ARMH1: variants seen among roughly 807,000 people sequenced by gnomAD.
ARMH1 encodes armadillo like helical domain containing 1.
A neutral mutation model predicts 50.2 loss-of-function variants in ARMH1; 34 were observed. The observed-to-expected ratio is 0.68, with a 90% CI of 0.51 to 0.90. The LOEUF (loss-of-function observed/expected upper bound fraction) is 0.90, where lower values mean the gene tolerates loss of function less well. Ranked by LOEUF, ARMH1 falls within the 40% of genes least tolerant of loss-of-function variation. The pLI, the probability that ARMH1 is intolerant of heterozygous loss-of-function variation, is 0.00. For synonymous variants in ARMH1, 221 were observed against 224.2 expected, an observed-to-expected ratio of 0.99 and a Z score of 0.13; for missense variants, 538 against 553.9, an observed-to-expected ratio of 0.97 and a Z score of 0.29.
Position 44,698,169 on chromosome 1 carries a change from C to T in ARMH1, c.382C>T (p.Leu128=). The change falls in exon 4 of 12, where the codon CTA becomes TTA. Residue 128 remains leucine (L), a synonymous_variant. Transcript: ENST00000535358. ...KEEAKKESVK[L]LQVIANSGRT... ...GGAGGCCAAGAAGGAATCTGTCAAACTACTTCAGGTTATTGCGAACTCTGG... is the reference window on the plus strand; with the variant it reads ...GGAGGCCAAGAAGGAATCTGTCAAATTACTTCAGGTTATTGCGAACTCTGG... 1 of 1,552,352 alleles carries T rather than the reference C, an allele frequency of 6.4e-7. No individual in the cohort carries two copies. The highest frequency in any genetic ancestry group is 2.4e-5 in the East Asian group (1 of 40,930).
rs1435385937 is a variant in ARMH1, at chr1:44,683,922, G to GTCT, written c.-22-5753_-22-5752insCTT. Among the ~76,000 whole-genome samples the GTCT allele has an allele frequency of 6.6e-6, 1 of 152,160 alleles. No individual in the cohort carries two copies. Among genetic ancestry groups the GTCT allele is most frequent in the Non-Finnish European group, 1.5e-5 (1 of 68,034 alleles). Reference sequence around the variant, plus strand: ...AATTCCAGCACTTTGGGAGGCCAAGGTGGGAAGATAGCTTGAGGCCAGGAG... The same window carrying GTCT: ...AATTCCAGCACTTTGGGAGGCCAAGGTCTTGGGAAGATAGCTTGAGGCCAGGAG... On this transcript the variant is annotated intron_variant, in intron 1 of 11. Transcript: ENST00000535358. This position sits in a 1 kb window ranked among gnomAD's most constrained non-coding sequence, Gnocchi z 4.2.
At chr1:44,697,225 A>T in intron 3 of ARMH1, 55 bp downstream of exon 3, 1 of 1,404,226 alleles carries the variant, frequency 7.1e-7, no homozygotes, top group South Asian at 1.2e-5. Flanking sequence ...CAGGCTCATG[A>T]TGTCTTTGGC....
chr1:44,707,074 A>G (rs922540070), intron 6 of ARMH1, among the ~76,000 whole-genome samples: 2 of 151,374 alleles, frequency 1.3e-5, no homozygotes, highest in African/African-American at 4.9e-5. Context: ...CTTCCTTTGA[A>G]CCACCCCTGC....
Position 44,704,089 on chromosome 1 carries a change from C to T in ARMH1, c.640C>T (p.Pro214Ser). ...LSLQTLRTAQ[P>S]IIGTTHPSIV... ...CTTGTCCTGTTGTCTGTCTGGTCAG[C>T]CAATCATTGGGACCACACACCCCAG... The change falls in exon 6 of 12, where the codon CCA (proline) becomes TCA (serine). Residue 214 changes from proline (P) to serine (S), a missense_variant and splice_region_variant. By Grantham distance (74) the Pro-to-Ser change is moderately conservative. Transcript: ENST00000535358. 1.9e-6 allele frequency: 3 copies of T among 1,550,052 alleles called. No homozygotes were observed. The highest frequency in any genetic ancestry group is 2.6e-6 in the Non-Finnish European group (3 of 1,145,976).
At position 44,725,504 on chromosome 1, in the gene ARMH1, C is replaced by T; in HGVS notation, c.*101C>T. On this transcript the variant is annotated 3_prime_UTR_variant, in exon 12 of 12. Coordinates refer to ENST00000535358, the MANE Select transcript of ARMH1 (RefSeq NM_001145636.2). ...AGCTCAGAGCCACTCCACTTGGCTC[C>T]AGGGGGGAGACGGGGATTAGGCATC... is the stretch of plus-strand genomic sequence containing the variant. The T allele has an allele frequency of 8.3e-7, 1 of 1,204,540 alleles. No individual in the cohort carries two copies. Among genetic ancestry groups the T allele is most frequent in the Admixed American group, 2.1e-5 (1 of 46,812 alleles). The allele number at this position is 1,204,540 out of a possible 1,614,324, so 74.6% of individuals were successfully genotyped here. A position where few individuals can be genotyped will look rare whatever the true frequency, so the allele number is the denominator to read the frequency against.
chr1:44,713,158 G>A (rs537199103), intron 6 of ARMH1, among the ~76,000 whole-genome samples: 1 of 148,386 alleles, frequency 6.7e-6, no homozygotes, highest in South Asian at 2.2e-4. Flanking sequence ...AAGTGCAGTG[G>A]CATGATCTTG....
In ARMH1 at chr1:44,682,858, C is replaced by CCTCTGTGTGCA. The variant is rs1557514102; in HGVS notation, c.-22-6818_-22-6817insCTCTGTGTGCA. 9.9e-5 allele frequency among the ~76,000 whole-genome samples: 15 copies of CCTCTGTGTGCA among 152,130 alleles called. No individual in the cohort carries two copies. Among genetic ancestry groups the CCTCTGTGTGCA allele is most frequent in the Non-Finnish European group, 1.9e-4 (13 of 68,030 alleles). On this transcript the variant is annotated intron_variant, in intron 1 of 11. Transcript: ENST00000535358. This position sits in a 1 kb window ranked among gnomAD's most constrained non-coding sequence, Gnocchi z 4.5. ...AGGAGGCTGAGGTGGGAGGATCACT[C>CCTCTGTGTGCA]GAGCCCAGGCGATTGAGGCTGCGGT...
intron 2 of ARMH1, among the ~76,000 whole-genome samples, chr1:44,696,611 T>C (rs1645836348): frequency 6.6e-6 from 1 of 152,226 alleles, no homozygotes; most frequent in Admixed American, 6.5e-5. Flanking sequence ...ATTATTCTTA[T>C]TAGGAAGCCA....
intron 2 of ARMH1, 140 bp downstream of exon 2, chr1:44,690,043 C>A (rs562834827): frequency 1.4e-6 from 1 of 715,748 alleles, no homozygotes; most frequent in Non-Finnish European, 2.3e-6. Context: ...CATGGTGAAA[C>A]CCTGTCTCTA....
chr1:44,719,784 G>C (rs1054922294), intron 6 of ARMH1, among the ~76,000 whole-genome samples: 3 of 152,058 alleles, frequency 2.0e-5, no homozygotes, highest in African/African-American at 7.2e-5. Context: ...CTGTGAGAAG[G>C]ACCACACTCT....
chr1:44,717,706 A>G (rs532162250), intron 6 of ARMH1, among the ~76,000 whole-genome samples: 1 of 152,394 alleles, frequency 6.6e-6, no homozygotes, highest in African/African-American at 2.4e-5. Flanking sequence ...ATTTTGTTAA[A>G]TAAATGAATG....
At position 44,724,092 on chromosome 1, in the gene ARMH1, C is replaced by T. The variant is rs755618550; in HGVS notation, c.725-30C>T. On this transcript the variant is annotated intron_variant, in intron 6 of 11. Coordinates refer to ENST00000535358, the MANE Select transcript of ARMH1 (RefSeq NM_001145636.2). This position sits in a 1 kb window ranked among gnomAD's most constrained non-coding sequence, Gnocchi z 6.4. ...TCCTCGGTGGCGGAGGGGCCTGGGG[C>T]CTCTCTCCAGCACCTCTGCCCTTCC... The T allele has an allele frequency of 1.3e-6, 2 of 1,544,750 alleles. No homozygotes were observed. The highest frequency in any genetic ancestry group is 2.5e-5 in the East Asian group (1 of 40,816).
chr1:44,711,493 A>G (rs1036766929), intron 6 of ARMH1, among the ~76,000 whole-genome samples: 1 of 152,190 alleles, frequency 6.6e-6, no homozygotes, highest in African/African-American at 2.4e-5. Context: ...AGAAATGTCT[A>G]TTCAGGTCCT....
intron 1 of ARMH1, among the ~76,000 whole-genome samples, chr1:44,680,040 G>A (rs946381281): frequency 2.0e-5 from 3 of 152,260 alleles, no homozygotes; most frequent in Admixed American, 6.5e-5. Flanking sequence ...GGGCAAAAAG[G>A]AACCTGGCCA....
chr1:44,725,187 T>C lies in ARMH1; in HGVS notation c.1180T>C (p.Leu394=), dbSNP rs1442512521. 1 of 1,552,038 alleles carries C rather than the reference T, an allele frequency of 6.4e-7. No individual in the cohort carries two copies. Among genetic ancestry groups the C allele is most frequent in the Admixed American group, 2.0e-5 (1 of 51,012 alleles). Residue 394 remains leucine (L), a synonymous_variant, in exon 11 of 12, where the codon TTG becomes CTG. Coordinates refer to ENST00000535358, the MANE Select transcript of ARMH1 (RefSeq NM_001145636.2). ...AATAGACAGCATTCAGGCGGACATC[T>C]TGGCGGCCAACACAGTCAATGTTAC... ...MKIDSIQADI[L]AANTVNVTKA...
At chr1:44,719,565 C>T (rs917153974) in intron 6 of ARMH1, among the ~76,000 whole-genome samples, 4 of 152,234 alleles carry the variant, frequency 2.6e-5, no homozygotes, top group Non-Finnish European at 5.9e-5. Context: ...TCTGCCTTCC[C>T]AGACCACTGC....
chr1:44,689,790 C>T lies in ARMH1; in HGVS notation c.93C>T (p.Ile31=). 3.9e-6 allele frequency: 6 copies of T among 1,551,908 alleles called. No individual in the cohort carries two copies. Among genetic ancestry groups the T allele is most frequent in the Non-Finnish European group, 5.2e-6 (6 of 1,147,042 alleles). ...CTGGCAAAGTCGCAAGGAGTCACAT[C>T]CTCGACAAGTTCATTGAAACCAACC... ...DNAGKVARSH[I]LDKFIETNQG... Residue 31 remains isoleucine, a synonymous_variant, in exon 2 of 12, where the codon ATC becomes ATT. Transcript: ENST00000535358.
Position 44,683,415 on chromosome 1 carries a change from G to C in ARMH1, c.-22-6261G>C, listed in dbSNP as rs747668650. Among the ~76,000 whole-genome samples, 6 of 152,238 alleles carry C rather than the reference G, an allele frequency of 3.9e-5. No individual in the cohort carries two copies. Among genetic ancestry groups the C allele is most frequent in the Admixed American group, 6.5e-5 (1 of 15,284 alleles). ...TGCGCCTATAAATGTAATTTGAAGT[G>C]ATGGGGTGAATGAGGTCACCCAGGG... On this transcript the variant is annotated intron_variant, in intron 1 of 11. Transcript: ENST00000535358. The surrounding 1 kb of genome is among the most constrained non-coding windows in gnomAD (Gnocchi z 4.2).
intron 1 of ARMH1, among the ~76,000 whole-genome samples, chr1:44,675,675 AAG>A (rs542155914): frequency 2.1e-4 from 30 of 145,726 alleles, no homozygotes; most frequent in Non-Finnish European, 3.6e-4. Context: ...AAACAAAACA[AAG>A]AGCCCAGTGT....
Sources: allele counts gnomAD v4.1 joint callset (sites outside exome capture counted in the v4.1 genomes callset), GRCh38; gene constraint gnomAD v4.1.1; non-coding constraint Gnocchi (gnomAD v3.1); transcripts MANE v1.5; gene names NCBI Gene and HGNC (gene_info 2026-07-23, HGNC 2026-07-21).